The following EYS variants were observed in gnomAD, a reference collection of about 807,000 sequenced individuals.
EYS encodes the protein protein eyes shut homolog.
Under a neutral mutation model 282.1 loss-of-function variants are expected in EYS, and 250 were observed. The observed-to-expected ratio is 0.89, with a 90% CI of 0.80 to 0.98. The LOEUF (loss-of-function observed/expected upper bound fraction) is 0.98. Ranked by LOEUF, EYS falls within the 50% of genes least tolerant of loss-of-function variation. EYS has a pLI of 0.00. For missense variants in EYS, 4,016 were observed against 3,709.0 expected, an observed-to-expected ratio of 1.08 and a Z score of -2.15; for synonymous variants, 1,355 against 1,282.9, an observed-to-expected ratio of 1.06 and a Z score of -1.20.
intron 22 of EYS, among the ~76,000 whole-genome samples, chr6:64,778,075 A>G (rs1166207384): frequency 6.6e-6 from 1 of 152,100 alleles, no homozygotes; most frequent in East Asian, 1.9e-4. Flanking sequence ...GTGATGAATA[A>G]CCCAAGGTTT....
intron 26 of EYS, among the ~76,000 whole-genome samples, chr6:64,490,142 G>T (rs1562022607): frequency 1.3e-5 from 2 of 150,840 alleles, no homozygotes; most frequent in Admixed American, 6.6e-5. Context: ...TCCTTTTCAT[G>T]AAAGTGGAAA....
chr6:64,098,595 C>G (rs954443867), intron 31 of EYS, among the ~76,000 whole-genome samples: 1 of 148,838 alleles, frequency 6.7e-6, no homozygotes, highest in African/African-American at 2.5e-5. Context: ...GTAATGTTTT[C>G]TTTCTTTCTT....
At chr6:64,509,299 G>T (rs573467128) in intron 26 of EYS, among the ~76,000 whole-genome samples, 1 of 152,060 alleles carries the variant, frequency 6.6e-6, no homozygotes, top group Non-Finnish European at 1.5e-5. Context: ...GGCAGTAATT[G>T]CTTCTTTACG....
At position 64,996,912 on chromosome 6, in the gene EYS, T is replaced by C. The variant is rs561531064; in HGVS notation, c.2259+670A>G. On this transcript the variant is annotated intron_variant, in intron 14 of 42. Transcript: ENST00000503581. The stretch of plus-strand genomic sequence containing the variant: ...GTAACAAACTATAAGCCTGGATTAG[T>C]ATTGTAGCCCTGACTTGTGTTGTAT... Among the ~76,000 whole-genome samples the C allele has an allele frequency of 1.8e-4, 28 of 152,332 alleles. 1 individual carries two copies. In the South Asian group the frequency reaches 5.6e-3, roughly 30 times the overall value.
intron 31 of EYS, among the ~76,000 whole-genome samples, chr6:64,132,121 A>T (rs72876843): frequency 0.015 from 2,214 of 152,182 alleles, 24 homozygotes; most frequent in Middle Eastern, 0.02. Flanking sequence ...ATGATGTTTT[A>T]TTGTATAAGA....
intron 31 of EYS, among the ~76,000 whole-genome samples, chr6:64,214,158 CT>C (rs1368971782): frequency 6.6e-6 from 1 of 152,064 alleles, no homozygotes; most frequent in Non-Finnish European, 1.5e-5. Flanking sequence ...AAAAATTCAC[CT>C]TGGCTTTTGC....
At chr6:65,331,809 T>TA (rs1454619750) in intron 11 of EYS, 1 of 742,178 alleles carries the variant, frequency 1.3e-6, no homozygotes, top group Admixed American at 6.3e-5. Flanking sequence ...CAATGTTTAT[T>TA]CGTATTGAAG....
intron 12 of EYS, among the ~76,000 whole-genome samples, chr6:65,196,090 A>G (rs377401256): frequency 6.6e-6 from 1 of 152,048 alleles, no homozygotes; most frequent in Non-Finnish European, 1.5e-5. Flanking sequence ...AGGCAATAAA[A>G]CAAGTTATCC....
chr6:65,211,463 A>C (rs1766174970), intron 12 of EYS, among the ~76,000 whole-genome samples: 1 of 152,098 alleles, frequency 6.6e-6, no homozygotes, highest in Admixed American at 6.6e-5. Flanking sequence ...AGGACTGTTA[A>C]GAGACTGTAG....
intron 12 of EYS, among the ~76,000 whole-genome samples, chr6:65,162,911 T>TTGTGTGTG (rs3036015): frequency 3.7e-4 from 55 of 147,386 alleles, no homozygotes; most frequent in African/African-American, 1.3e-3. Flanking sequence ...CCTGTTCTGT[T>TTGTGTGTG]TGTGTGTGTG....
intron 19 of EYS, among the ~76,000 whole-genome samples, chr6:64,857,196 T>G (rs1766090312): frequency 6.6e-6 from 1 of 152,192 alleles, no homozygotes; most frequent in Non-Finnish European, 1.5e-5. Context: ...TGGTTTTAGA[T>G]CCTTTTATCT....
chr6:63,753,142 A>ATATATATATATATATATATATATATATG (rs1769384528), intron 41 of EYS, among the ~76,000 whole-genome samples: 1 of 8,142 alleles, frequency 1.2e-4, no homozygotes. Context: ...GTGTGTGTGT[A>ATATATATATATATATATATATATATATG]TATATATATA....
chr6:65,328,637 AT>A (rs1769690086), intron 11 of EYS, among the ~76,000 whole-genome samples: 1 of 151,132 alleles, frequency 6.6e-6, no homozygotes, highest in Admixed American at 6.6e-5. Context: ...AAATTTTAAA[AT>A]ATAAATGGGA....
At chr6:64,054,316 A>G (rs185433575) in intron 33 of EYS, among the ~76,000 whole-genome samples, 6 of 152,168 alleles carry the variant, frequency 3.9e-5, no homozygotes, top group Admixed American at 3.3e-4. Flanking sequence ...TGCAGAAAGC[A>G]TAAGGTACAA....
At chr6:64,789,874 A>C (rs1423387276) in intron 22 of EYS, among the ~76,000 whole-genome samples, 2 of 128,006 alleles carry the variant, frequency 1.6e-5, no homozygotes, top group Non-Finnish European at 3.4e-5. Context: ...ATGGGATTCT[A>C]AAGTTGTATG....
At position 65,555,096 on chromosome 6, in the gene EYS, AG is replaced by A. The variant is rs1156852516; in HGVS notation, c.-332-59104del. ...AAGCAAATTTCAGAGCACAAACCCA[AG>A]ATGATCATCAGGCTATAGAATGTGA... On this transcript the variant is annotated intron_variant, in intron 2 of 42. Transcript: ENST00000503581. Among the ~76,000 whole-genome samples the A allele has an allele frequency of 3.9e-5, 6 of 152,162 alleles. No individual in the cohort carries two copies. The East Asian group carries it at 1.2e-3, about 29-fold the overall frequency.
At chr6:64,670,588 A>G (rs1769421683) in intron 22 of EYS, among the ~76,000 whole-genome samples, 1 of 152,064 alleles carries the variant, frequency 6.6e-6, no homozygotes, top group South Asian at 2.1e-4. Flanking sequence ...GCATTTCTGT[A>G]TTTCACTACA....
chr6:64,461,186 G>A (rs1015750435), intron 26 of EYS, among the ~76,000 whole-genome samples: 1 of 151,990 alleles, frequency 6.6e-6, no homozygotes, highest in South Asian at 2.1e-4. Flanking sequence ...ACTCTAAGAA[G>A]GCTTATTGAC....
At chr6:65,440,112 A>T (rs1197116632) in intron 5 of EYS, among the ~76,000 whole-genome samples, 2 of 152,120 alleles carry the variant, frequency 1.3e-5, no homozygotes, top group Non-Finnish European at 2.9e-5. Context: ...TAATTGTGAA[A>T]GTCAATGGAA....
Sources: allele counts gnomAD v4.1 joint callset (sites outside exome capture counted in the v4.1 genomes callset), GRCh38; gene constraint gnomAD v4.1.1; transcripts MANE v1.5; gene names NCBI Gene and HGNC (gene_info 2026-07-23, HGNC 2026-07-21).